Variants in PLEKHM2 observed in about 807,000 individuals in gnomAD.
PLEKHM2 encodes pleckstrin homology and RUN domain containing M2, also known as pleckstrin homology domain-containing family M member 2.
A neutral mutation model predicts 116.3 loss-of-function variants in PLEKHM2; 77 were observed. The observed-to-expected ratio is 0.66, with a 90% CI of 0.55 to 0.80. The LOEUF (loss-of-function observed/expected upper bound fraction) is 0.80. PLEKHM2 is among the 30% of genes least tolerant of loss of function. The probability of loss-of-function intolerance (pLI) is 0.00; values close to 1 mark genes in which losing one functional copy is unlikely to be tolerated. For synonymous variants in PLEKHM2, 562 were observed against 571.0 expected (o/e 0.98, Z 0.22); for missense variants, 1,183 against 1,354.9 (o/e 0.87, Z 1.99).
rs573594443 is a variant in PLEKHM2, at chr1:15,719,585, T to A, written c.466-149T>A. On this transcript the variant is annotated intron_variant, in intron 5 of 19. Transcript: ENST00000375799. The surrounding 1 kb of genome is among the most constrained non-coding windows in gnomAD (Gnocchi z 4.1). Reference sequence around the variant, plus strand: ...AAGCCAACACTATTCACATTGCTCTTCTTAGCAGCTTTTCTTTGAATTTAC... The same window carrying A: ...AAGCCAACACTATTCACATTGCTCTACTTAGCAGCTTTTCTTTGAATTTAC... The A allele has an allele frequency of 6.9e-6, 4 of 580,480 alleles. No homozygotes were observed. In the Admixed American group the frequency reaches 1.3e-4, roughly 18 times the overall value. The allele number at this position is 580,480 out of a possible 1,614,324, so 36.0% of individuals were successfully genotyped here.
chr1:15,720,003 C>A, intron 6 of PLEKHM2, 83 bp downstream of exon 6: 1 of 1,203,682 alleles, frequency 8.3e-7, no homozygotes, highest in Non-Finnish European at 1.2e-6. Context: ...TGATGTCTTC[C>A]TTGGCTAGTT....
At chr1:15,692,121 A>G (rs942040855) in intron 1 of PLEKHM2, among the ~76,000 whole-genome samples, 1 of 148,122 alleles carries the variant, frequency 6.8e-6, no homozygotes. Flanking sequence ...TCGGCGGGGG[A>G]AAAAAAAAAT....
chr1:15,702,316 G>A (rs1641131578), intron 1 of PLEKHM2, among the ~76,000 whole-genome samples: 1 of 152,204 alleles, frequency 6.6e-6, no homozygotes, highest in African/African-American at 2.4e-5. Flanking sequence ...CTGGCTCGGA[G>A]GTTGAGATGA....
chr1:15,733,696 G>T, intron 19 of PLEKHM2, 101 bp from the exon 20 acceptor site: 2 of 1,287,902 alleles, frequency 1.6e-6, no homozygotes, highest in Non-Finnish European at 2.2e-6. Context: ...GCCTGACAGG[G>T]GCTCCGTGGC....
intron 15 of PLEKHM2, 28 bp downstream of exon 15, chr1:15,730,750 G>T: frequency 6.4e-7 from 1 of 1,560,762 alleles, no homozygotes; most frequent in Admixed American, 1.9e-5. Flanking sequence ...TCTAGGCCTG[G>T]GGCTTGGGCC....
chr1:15,712,460 T>C (rs1221966267), intron 1 of PLEKHM2, among the ~76,000 whole-genome samples: 2 of 152,168 alleles, frequency 1.3e-5, no homozygotes, highest in African/African-American at 4.8e-5. Context: ...GCACTCACCA[T>C]ACAGAAGCAT....
chr1:15,725,258 G>T, intron 7 of PLEKHM2, 59 bp from the exon 8 acceptor site: 1 of 1,267,246 alleles, frequency 7.9e-7, no homozygotes, highest in Non-Finnish European at 1.1e-6. Flanking sequence ...GCATGCTCTG[G>T]GGGTCGGGGA....
At chr1:15,702,299 G>A (rs1641131224) in intron 1 of PLEKHM2, among the ~76,000 whole-genome samples, 1 of 152,204 alleles carries the variant, frequency 6.6e-6, no homozygotes, top group Non-Finnish European at 1.5e-5. Flanking sequence ...GGCCCCTGCA[G>A]TGCAGTCTGG....
chr1:15,686,008 C>G (rs1640762321), intron 1 of PLEKHM2, among the ~76,000 whole-genome samples: 2 of 152,130 alleles, frequency 1.3e-5, no homozygotes, highest in African/African-American at 4.8e-5. Context: ...CTGATTGTGG[C>G]TTTAGGTAGG....
intron 7 of PLEKHM2, among the ~76,000 whole-genome samples, chr1:15,724,069 C>T (rs2068029233): frequency 6.6e-6 from 1 of 152,186 alleles, no homozygotes; most frequent in Non-Finnish European, 1.5e-5. Context: ...CTCTCCTGCC[C>T]TGTTCCAGTA....
chr1:15,727,521 C>T lies in PLEKHM2; in HGVS notation c.1449C>T (p.Asp483=), dbSNP rs2068081533. The change falls in exon 9 of 20, where the codon GAC becomes GAT. Residue 483 remains aspartate, a synonymous_variant. Coordinates refer to ENST00000375799, the MANE Select transcript of PLEKHM2 (RefSeq NM_015164.4). This position sits in a 1 kb window ranked among gnomAD's most constrained non-coding sequence, Gnocchi z 7.5. Reference sequence around the variant, plus strand: ...TTACATCAGGTGGCGGCCACCATGACCCTGCAGGGCTTGGCCAACCGCTGC... The same window carrying T: ...TTACATCAGGTGGCGGCCACCATGATCCTGCAGGGCTTGGCCAACCGCTGC... ...STVTSGGGHH[D]PAGLGQPLHV... 3 of 1,579,014 alleles carry T rather than the reference C, an allele frequency of 1.9e-6. No individual in the cohort carries two copies. The highest frequency in any genetic ancestry group is 2.6e-6 in the Non-Finnish European group (3 of 1,163,180).
At chr1:15,701,740 G>A (rs773206922) in intron 1 of PLEKHM2, among the ~76,000 whole-genome samples, 8 of 152,134 alleles carry the variant, frequency 5.3e-5, no homozygotes, top group African/African-American at 9.6e-5. Flanking sequence ...GCAGTGAGCC[G>A]AGATTGCGCC....
chr1:15,705,080 C>CA (rs1641196229), intron 1 of PLEKHM2, among the ~76,000 whole-genome samples: 1 of 151,918 alleles, frequency 6.6e-6, no homozygotes, highest in South Asian at 2.1e-4. Context: ...GCTGCACACT[C>CA]ACGGCTTTCA....
chr1:15,734,213 C>T lies in PLEKHM2; in HGVS notation c.*279C>T, dbSNP rs948914735. The T allele has an allele frequency of 3.1e-5, 13 of 424,570 alleles. No individual in the cohort carries two copies. Among genetic ancestry groups the T allele is most frequent in the East Asian group, 8.4e-5 (2 of 23,734 alleles). The allele number at this position is 424,570 out of a possible 1,614,324, so 26.3% of individuals were successfully genotyped here. A position where few individuals can be genotyped will look rare whatever the true frequency, so the allele number is the denominator to read the frequency against. On this transcript the variant is annotated 3_prime_UTR_variant, in exon 20 of 20. Coordinates refer to ENST00000375799, the MANE Select transcript of PLEKHM2 (RefSeq NM_015164.4). ...GCTCTGCGGATGCACGCCCTCCTCCCGGGCCTCCGCCTCAGTCTGCAGAAT... is the reference window on the plus strand; with the variant it reads ...GCTCTGCGGATGCACGCCCTCCTCCTGGGCCTCCGCCTCAGTCTGCAGAAT...
chr1:15,730,348 A>G (rs889754309), intron 14 of PLEKHM2, among the ~76,000 whole-genome samples, 184 bp from the exon 15 acceptor site: 6 of 152,212 alleles, frequency 3.9e-5, no homozygotes, highest in Admixed American at 2.0e-4. Flanking sequence ...AGGCTGAGGC[A>G]GGAGAATTGC....
At chr1:15,713,485 G>T (rs1008796976) in intron 1 of PLEKHM2, among the ~76,000 whole-genome samples, 3 of 152,176 alleles carry the variant, frequency 2.0e-5, no homozygotes, top group African/African-American at 4.8e-5. Context: ...AAGAGTCTGA[G>T]TTCCAGCCCT....
intron 1 of PLEKHM2, among the ~76,000 whole-genome samples, chr1:15,702,397 C>T (rs1641132757): frequency 2.0e-5 from 3 of 151,980 alleles, no homozygotes; most frequent in Non-Finnish European, 4.4e-5. Flanking sequence ...GGTGGTAATC[C>T]ACCCATTCTT....
chr1:15,711,829 T>C (rs188359024), intron 1 of PLEKHM2, among the ~76,000 whole-genome samples: 2 of 151,538 alleles, frequency 1.3e-5, no homozygotes, highest in Non-Finnish European at 2.9e-5. Context: ...CTTAAAGAGC[T>C]GTAACATGGC....
At chr1:15,695,721 A>G (rs1241199660) in intron 1 of PLEKHM2, among the ~76,000 whole-genome samples, 3 of 152,044 alleles carry the variant, frequency 2.0e-5, no homozygotes, top group Non-Finnish European at 4.4e-5. Flanking sequence ...CATGTTGGCC[A>G]GGCTGGTCTC....
Sources: allele counts gnomAD v4.1 joint callset (sites outside exome capture counted in the v4.1 genomes callset), GRCh38; gene constraint gnomAD v4.1.1; non-coding constraint Gnocchi (gnomAD v3.1); transcripts MANE v1.5; gene names NCBI Gene and HGNC (gene_info 2026-07-23, HGNC 2026-07-21).